Variants in MKNK1 observed in about 807,000 individuals in gnomAD.
The protein encoded by MKNK1 is MAP kinase-interacting serine/threonine-protein kinase 1.
In MKNK1, 30 loss-of-function variants were observed where a neutral mutation model predicts 49.3. That is an observed-to-expected ratio of 0.61 (90% confidence interval 0.46 to 0.83). The LOEUF is 0.83. MKNK1 is among the 40% of genes least tolerant of loss of function. The probability of loss-of-function intolerance (pLI) is 0.00; values close to 1 mark genes in which losing one functional copy is unlikely to be tolerated. For synonymous variants in MKNK1, 176 were observed against 201.7 expected, an observed-to-expected ratio of 0.87 and a Z score of 1.08; for missense variants, 423 against 524.7, an observed-to-expected ratio of 0.81 and a Z score of 1.89.
intron 1 of MKNK1, among the ~76,000 whole-genome samples, chr1:46,597,062 T>C (rs1674162665): frequency 6.6e-6 from 1 of 152,112 alleles, no homozygotes; most frequent in South Asian, 2.1e-4. Flanking sequence ...ACTACCCAGA[T>C]GGACCCTGGA....
intron 2 of MKNK1, among the ~76,000 whole-genome samples, chr1:46,591,212 T>A (rs770476978): frequency 3.3e-5 from 5 of 152,288 alleles, no homozygotes; most frequent in Non-Finnish European, 7.4e-5. Context: ...GGACCGTCTG[T>A]CCATAGCGAT....
chr1:46,575,551 C>T (rs186184845), intron 5 of MKNK1: 2 of 152,752 alleles, frequency 1.3e-5, no homozygotes, highest in Admixed American at 6.5e-5. Context: ...ATGAAACGGC[C>T]GCGTTCCTGG....
rs1673053220 is a variant in MKNK1, at chr1:46,589,508, C to T, written c.-3+4605G>A. Among the ~76,000 whole-genome samples, 2 of 152,214 alleles carry T rather than the reference C, an allele frequency of 1.3e-5. No homozygotes were observed. Among genetic ancestry groups the T allele is most frequent in the Admixed American group, 6.5e-5 (1 of 15,274 alleles). Reference sequence around the variant, plus strand: ...TCGATGATAATAAATGTCTCCATTCCTAGGCATACGTTTATCTTGTTTTCT... The same window carrying T: ...TCGATGATAATAAATGTCTCCATTCTTAGGCATACGTTTATCTTGTTTTCT... On this transcript the variant is annotated intron_variant, in intron 2 of 12. Transcript: ENST00000371945. This position sits in a 1 kb window ranked among gnomAD's most constrained non-coding sequence, Gnocchi z 4.3.
At chr1:46,581,870 C>G (rs983109037) in intron 3 of MKNK1, among the ~76,000 whole-genome samples, 14 of 152,130 alleles carry the variant, frequency 9.2e-5, no homozygotes, top group African/African-American at 3.4e-4. Context: ...ACAAAGAGCA[C>G]AGCTCTTTGA....
intron 8 of MKNK1, chr1:46,568,192 T>G: frequency 2.2e-6 from 1 of 459,236 alleles, no homozygotes; most frequent in Non-Finnish European, 3.9e-6. Flanking sequence ...CTAGAAAATA[T>G]TAATTTTGTG....
At chr1:46,568,252 T>C (rs1205376496) in intron 8 of MKNK1, 191 bp downstream of exon 8, 11 of 597,136 alleles carry the variant, frequency 1.8e-5, no homozygotes, top group Non-Finnish European at 3.3e-5. Context: ...ATCACACTGA[T>C]GATCAAGAGC....
intron 4 of MKNK1, among the ~76,000 whole-genome samples, chr1:46,578,948 T>A (rs1671371745): frequency 6.6e-6 from 1 of 152,080 alleles, no homozygotes; most frequent in African/African-American, 2.4e-5. Context: ...AGAGATGGGT[T>A]TCACCATGTT....
chr1:46,593,888 G>A, intron 2 of MKNK1: 1 of 282,246 alleles, frequency 3.5e-6, no homozygotes, highest in East Asian at 5.8e-5. Flanking sequence ...AAATAAATAT[G>A]TTTTAGTTAC....
At chr1:46,569,065 G>T (rs1669617834) in intron 7 of MKNK1, 1 of 152,456 alleles carries the variant, frequency 6.6e-6, no homozygotes, top group African/African-American at 2.4e-5. Flanking sequence ...GCAGAGCAAA[G>T]ACCGCTTTGG....
intron 8 of MKNK1, 41 bp from the exon 9 acceptor site, chr1:46,565,177 AC>A: frequency 6.3e-7 from 1 of 1,584,206 alleles, no homozygotes; most frequent in Admixed American, 1.7e-5. Flanking sequence ...GATATAAGAA[AC>A]TACGGGGCAA....
At chr1:46,596,798 A>G (rs1424571703) in intron 1 of MKNK1, among the ~76,000 whole-genome samples, 1 of 152,328 alleles carries the variant, frequency 6.6e-6, no homozygotes, top group East Asian at 1.9e-4. Context: ...TGGCTTCTCC[A>G]GATCAACTGC....
chr1:46,570,583 T>C (rs1350599384), intron 7 of MKNK1, among the ~76,000 whole-genome samples: 1 of 152,204 alleles, frequency 6.6e-6, no homozygotes. Flanking sequence ...CCAGGTGGGA[T>C]GTGTGAGTGG....
At position 46,578,733 on chromosome 1, in the gene MKNK1, C is replaced by T. The variant is rs573357528; in HGVS notation, c.198+1797G>A. 2.0e-5 allele frequency among the ~76,000 whole-genome samples: 3 copies of T among 151,584 alleles called. No individual in the cohort carries two copies. The South Asian group carries it at 6.3e-4, about 32-fold the overall frequency. ...TCCCAGGTAGCTGGAATTAGACGCA[C>T]ATGCCACCACACCAGGCTAACATTT... On this transcript the variant is annotated intron_variant, in intron 4 of 12. Transcript: ENST00000371945.
In MKNK1 at chr1:46,568,515, C is replaced by CA. The variant is rs766729303; in HGVS notation, c.458-18dup. 2.5e-6 allele frequency: 4 copies of CA among 1,607,226 alleles called. No homozygotes were observed. Among genetic ancestry groups the CA allele is most frequent in the Admixed American group, 1.7e-5 (1 of 58,684 alleles). ...GAGCAATGCCTGACATGACAAAGAG[C>CA]AAAAAAATGGTTAACATATGCAGAT... On this transcript the variant is annotated splice_polypyrimidine_tract_variant and intron_variant, in intron 7 of 12. Coordinates refer to ENST00000371945, the MANE Select transcript of MKNK1 (RefSeq NM_001135553.4).
chr1:46,594,786 G>A (rs2486159), intron 1 of MKNK1: 3 of 343,024 alleles, frequency 8.7e-6, no homozygotes, highest in African/African-American at 6.7e-5. Context: ...ACTGAGCTCA[G>A]AAGTTCAAGA....
intron 7 of MKNK1, 64 bp from the exon 8 acceptor site, chr1:46,568,562 C>A: frequency 6.8e-7 from 1 of 1,474,416 alleles, no homozygotes; most frequent in South Asian, 1.2e-5. Flanking sequence ...ATTCCACACA[C>A]AATTAATTTT....
At chr1:46,580,662 G>A (rs1455768638) in intron 3 of MKNK1, 35 bp from the exon 4 acceptor site, 1 of 1,460,714 alleles carries the variant, frequency 6.8e-7, no homozygotes, top group African/African-American at 1.4e-5. Flanking sequence ...ATAACAAGAT[G>A]AGTCACCCTA....
chr1:46,559,035 C>A (rs976557024), intron 12 of MKNK1, among the ~76,000 whole-genome samples: 2 of 152,168 alleles, frequency 1.3e-5, no homozygotes, highest in African/African-American at 4.8e-5. Context: ...GGGGCAAGCT[C>A]CCCCTTCTCC....
intron 6 of MKNK1, 31 bp downstream of exon 6, chr1:46,574,916 G>A (rs753182786): frequency 6.9e-7 from 1 of 1,450,330 alleles, no homozygotes; most frequent in Admixed American, 1.8e-5. Flanking sequence ...GTCTTAATCA[G>A]AAGTCCACAC....
Sources: allele counts gnomAD v4.1 joint callset (sites outside exome capture counted in the v4.1 genomes callset), GRCh38; gene constraint gnomAD v4.1.1; non-coding constraint Gnocchi (gnomAD v3.1); transcripts MANE v1.5; gene names NCBI Gene and HGNC (gene_info 2026-07-23, HGNC 2026-07-21).